GEMIN5: variants seen among roughly 807,000 people sequenced by gnomAD.
GEMIN5 encodes gem-associated protein 5.
Under a neutral mutation model 176.9 loss-of-function variants are expected in GEMIN5, and 124 were observed. The observed-to-expected ratio is 0.70, with a 90% CI of 0.61 to 0.81. GEMIN5 has a LOEUF of 0.81. Among genes scored for constraint, GEMIN5 ranks in the 40% least tolerant of loss-of-function variants. The pLI is 0.00. For missense variants in GEMIN5, 1,843 were observed against 1,814.6 expected, an observed-to-expected ratio of 1.02 and a Z score of -0.28; for synonymous variants, 673 against 665.2, an observed-to-expected ratio of 1.01 and a Z score of -0.18.
chr5:154,899,238 C>G lies in GEMIN5; in HGVS notation c.3087G>C (p.Trp1029Cys), dbSNP rs751929010. The change falls in exon 22 of 28, where the codon TGG (tryptophan) becomes TGC (cysteine). Residue 1029 changes from tryptophan (W) to cysteine (C), a missense_variant. By Grantham distance (215) the Trp-to-Cys change is radical (BLOSUM62 -2). Transcript: ENST00000285873. The stretch of plus-strand genomic sequence containing the variant: ...GGCCATCTCTTTCTAGGACGGTTCC[C>G]CAGCTGAGGTACAAGTCCTTCAGGA... ...DPVLKDLYLS[W>C]GTVLERDGHY... The G allele has an allele frequency of 9.3e-6, 15 of 1,613,384 alleles. No individual in the cohort carries two copies. The highest frequency in any genetic ancestry group is 2.7e-5 in the African/African-American group (2 of 74,916).
chr5:154,905,324 C>A, intron 17 of GEMIN5, 39 bp downstream of exon 17: 1 of 1,004,178 alleles, frequency 1.0e-6, no homozygotes. Context: ...TTTTAGGCTG[C>A]TTTAACAAAA....
At chr5:154,927,612 G>A in intron 6 of GEMIN5, 62 bp from the exon 7 acceptor site, 4 of 1,290,158 alleles carry the variant, frequency 3.1e-6, no homozygotes, top group South Asian at 2.7e-5. Context: ...AGTGACTGTT[G>A]AGACAGAGTC....
intron 1 of GEMIN5, 34 bp from the exon 2 acceptor site, chr5:154,937,219 G>A: frequency 3.9e-6 from 6 of 1,551,130 alleles, no homozygotes; most frequent in Non-Finnish European, 4.4e-6. Flanking sequence ...GTTAATCGAA[G>A]TGCTATCCAA....
chr5:154,900,956 A>G (rs1763449223), intron 21 of GEMIN5, among the ~76,000 whole-genome samples: 5 of 152,220 alleles, frequency 3.3e-5, no homozygotes, highest in Admixed American at 2.0e-4. Flanking sequence ...AAGCTGATAC[A>G]CAACTTTACT....
Position 154,916,997 on chromosome 5 carries a change from C to G in GEMIN5, c.1855+1G>C. On this transcript the variant is annotated splice_donor_variant, in intron 13 of 27. Coordinates refer to ENST00000285873, the MANE Select transcript of GEMIN5 (RefSeq NM_015465.5). LOFTEE classifies it high-confidence loss of function. ...CCCAGTATGAAAGAAACCAAAGTTA[C>G]CTATGACAGTCTTCAGGTTGTGCAC... The G allele has an allele frequency of 6.4e-7, 1 of 1,558,188 alleles. No homozygotes were observed. The highest frequency in any genetic ancestry group is 8.8e-7 in the Non-Finnish European group (1 of 1,139,998).
intron 9 of GEMIN5, among the ~76,000 whole-genome samples, chr5:154,921,861 T>C (rs940047264): frequency 2.0e-5 from 3 of 152,198 alleles, no homozygotes; most frequent in South Asian, 2.1e-4. Context: ...CAGTTTGTGA[T>C]TGTCTTTTAA....
Position 154,938,028 on chromosome 5 carries a change from C to T in GEMIN5, c.106G>A (p.Val36Ile). The change falls in exon 1 of 28, where the codon GTC (valine) becomes ATC (isoleucine). Residue 36 changes from valine to isoleucine, a missense_variant. Physicochemically the swap from Val to Ile is conservative, Grantham distance 29. Coordinates refer to ENST00000285873, the MANE Select transcript of GEMIN5 (RefSeq NM_015465.5). ...GLFGFAARTS[V>I]FLVRVGPGAG... ...CCCGGGCCCACGCGGACAAGGAAGA[C>T]GGAGGTCCGCGCGGCGAAGCCAAAG... The T allele has an allele frequency of 1.3e-6, 2 of 1,556,920 alleles. No homozygotes were observed. Among genetic ancestry groups the T allele is most frequent in the East Asian group, 2.6e-5 (1 of 38,926 alleles).
chr5:154,902,407 T>C (rs1763483446), intron 20 of GEMIN5, 132 bp downstream of exon 20: 5 of 793,530 alleles, frequency 6.3e-6, no homozygotes, highest in Non-Finnish European at 1.0e-5. Context: ...AGTTTGTCTA[T>C]TGCTGTCTAT....
At chr5:154,899,849 T>C (rs1763429738) in intron 21 of GEMIN5, among the ~76,000 whole-genome samples, 1 of 152,042 alleles carries the variant, frequency 6.6e-6, no homozygotes, top group South Asian at 2.1e-4. Flanking sequence ...CATTCCAAAG[T>C]AGAATGGTTG....
At chr5:154,892,994 G>A (rs557398825) in intron 24 of GEMIN5, among the ~76,000 whole-genome samples, 12 of 152,236 alleles carry the variant, frequency 7.9e-5, no homozygotes, top group African/African-American at 2.9e-4. Context: ...CTACTCGGGA[G>A]GCTGAGACAG....
intron 8 of GEMIN5, among the ~76,000 whole-genome samples, chr5:154,925,035 A>C (rs973689488): frequency 6.6e-6 from 1 of 152,156 alleles, no homozygotes; most frequent in Non-Finnish European, 1.5e-5. Context: ...AGTCAATGTC[A>C]TCTGTAATCT....
chr5:154,908,509 A>G (rs1763622351), intron 15 of GEMIN5, among the ~76,000 whole-genome samples: 1 of 152,156 alleles, frequency 6.6e-6, no homozygotes, highest in South Asian at 2.1e-4. Flanking sequence ...AGCAAAAGGA[A>G]TCAATCCAGG....
At chr5:154,907,509 G>T in intron 16 of GEMIN5, 82 bp downstream of exon 16, 3 of 938,470 alleles carry the variant, frequency 3.2e-6, no homozygotes, top group Non-Finnish European at 4.9e-6. Context: ...GAACAGCGAA[G>T]TTTCAAACTG....
chr5:154,912,970 T>C lies in GEMIN5; in HGVS notation c.1924A>G (p.Ile642Val). Residue 642 changes from isoleucine (I) to valine (V), a missense_variant, in exon 14 of 28, where the codon ATT becomes GTT. Ile to Val is a conservative substitution (Grantham distance 29, BLOSUM62 3). Coordinates refer to ENST00000285873, the MANE Select transcript of GEMIN5 (RefSeq NM_015465.5). ...YRTLSGHTAK[I>V]TSVAWSPHHD... ...TGTGGGCTCCACGCCACACTGGTAA[T>C]CTTGGCCGTATGCCCTGAGAGGGTC... is the stretch of plus-strand genomic sequence containing the variant. 6.2e-7 allele frequency: 1 copy of C among 1,613,750 alleles called. No homozygotes were observed. The highest frequency in any genetic ancestry group is 8.5e-7 in the Non-Finnish European group (1 of 1,179,624).
intron 17 of GEMIN5, among the ~76,000 whole-genome samples, chr5:154,905,014 G>A (rs1763541566): frequency 6.6e-6 from 1 of 151,906 alleles, no homozygotes; most frequent in African/African-American, 2.4e-5. Context: ...CCAACATGGT[G>A]AATCCCCGTC....
chr5:154,919,507 G>A (rs1262836321), intron 11 of GEMIN5, among the ~76,000 whole-genome samples: 1 of 152,166 alleles, frequency 6.6e-6, no homozygotes, highest in Non-Finnish European at 1.5e-5. Context: ...TGTAAATCTA[G>A]AATCATTTTA....
Position 154,931,485 on chromosome 5 carries a change from G to C in GEMIN5, c.754C>G (p.Arg252Gly). The change falls in exon 5 of 28, where the codon CGA becomes GGA. Residue 252 changes from arginine (R) to glycine (G), a missense_variant. Physicochemically the swap from Arg to Gly is moderately radical, Grantham distance 125 (BLOSUM62 -2). Transcript: ENST00000285873. The stretch of plus-strand genomic sequence containing the variant: ...CGGCCTCTAGAACAGCTCCAGATTC[G>C]AATGGTTTGATCTTTGCTTCCAGTG... ...LATGSKDQTI[R>G]IWSCSRGRGV... is the part of the protein sequence containing the mutation. 6.2e-7 allele frequency: 1 copy of C among 1,612,496 alleles called. No individual in the cohort carries two copies. The highest frequency in any genetic ancestry group is 1.1e-5 in the South Asian group (1 of 90,968).
intron 3 of GEMIN5, among the ~76,000 whole-genome samples, chr5:154,935,543 C>T (rs534344478): frequency 5.9e-5 from 9 of 152,180 alleles, no homozygotes; most frequent in African/African-American, 1.7e-4. Context: ...GTTGTATCAA[C>T]GGGCAGTAGA....
chr5:154,891,595 A>G lies in GEMIN5; in HGVS notation c.3908T>C (p.Val1303Ala). 1 of 1,614,122 alleles carries G rather than the reference A, an allele frequency of 6.2e-7. No homozygotes were observed. Among genetic ancestry groups the G allele is most frequent in the South Asian group, 1.1e-5 (1 of 91,080 alleles). ...SRPCPNSSVWVRAGHRTLSVE... is the reference protein window; with the variant it reads ...SRPCPNSSVWARAGHRTLSVE... Reference sequence around the variant, plus strand: ...AGAGAGTGTTCTGTGACCAGCCCTTACCCAGACACTGGAATTTGGGCAAGG... The same window carrying G: ...AGAGAGTGTTCTGTGACCAGCCCTTGCCCAGACACTGGAATTTGGGCAAGG... Residue 1303 changes from valine to alanine, a missense_variant, in exon 26 of 28, where the codon GTA becomes GCA. Val to Ala is a moderately conservative substitution (Grantham distance 64). Transcript: ENST00000285873.
Sources: allele counts gnomAD v4.1 joint callset (sites outside exome capture counted in the v4.1 genomes callset), GRCh38; gene constraint gnomAD v4.1.1; transcripts MANE v1.5; gene names NCBI Gene and HGNC (gene_info 2026-07-23, HGNC 2026-07-21).